The following ALK variants were observed in gnomAD, a reference collection of about 807,000 sequenced individuals.
The protein encoded by ALK is ALK receptor tyrosine kinase.
A neutral mutation model predicts 163.1 loss-of-function variants in ALK; 74 were observed. That is an observed-to-expected ratio of 0.45 (90% CI 0.38 to 0.55). ALK has a LOEUF of 0.55. Ranked by LOEUF, ALK falls within the 20% of genes least tolerant of loss-of-function variation. ALK has a pLI of 0.00. For synonymous variants in ALK, 960 were observed against 843.2 expected (o/e 1.14, Z -2.40); for missense variants, 2,063 against 2,105.3 (o/e 0.98, Z 0.39).
intron 1 of ALK, among the ~76,000 whole-genome samples, chr2:29,830,998 A>G (rs1242444676): frequency 5.9e-5 from 3 of 50,814 alleles, no homozygotes; most frequent in Non-Finnish European, 1.2e-4. Context: ...GAAGAAGAAG[A>G]AGAAGAAGAA....
chr2:29,517,367 A>G (rs1289873299), intron 4 of ALK, among the ~76,000 whole-genome samples: 2 of 152,102 alleles, frequency 1.3e-5, no homozygotes, highest in Admixed American at 1.3e-4. Flanking sequence ...GGGTCATTAT[A>G]TCTCTGAACA....
rs756365905 is a variant in ALK, at chr2:29,241,426, G to A, written c.2205-1596C>T. ...AAAGGAGCTCATGGGTGAAAGCCCC[G>A]GGGAAGCTGCAAATCTCTGGCCAAA... On this transcript the variant is annotated intron_variant, in intron 12 of 28. Transcript: ENST00000389048. Among the ~76,000 whole-genome samples, 7 of 152,086 alleles carry A rather than the reference G, an allele frequency of 4.6e-5. No individual in the cohort carries two copies. The Middle Eastern group carries it at 0.017, about 369-fold the overall frequency.
chr2:29,469,062 A>G lies in ALK; in HGVS notation c.1154+62853T>C, dbSNP rs140080165. Reference sequence around the variant, plus strand: ...CACTAGGCATAAATGGGCTAATGGCACAGGCTGAAGGCTGATATGTCTTGG... The same window carrying G: ...CACTAGGCATAAATGGGCTAATGGCGCAGGCTGAAGGCTGATATGTCTTGG... On this transcript the variant is annotated intron_variant, in intron 4 of 28. Transcript: ENST00000389048. Among the ~76,000 whole-genome samples the G allele has an allele frequency of 2.2e-3, 339 of 152,168 alleles. 3 individuals are homozygous for G. Among genetic ancestry groups the G allele is most frequent in the African/African-American group, 7.7e-3 (321 of 41,512 alleles).
At chr2:29,706,368 G>A (rs751854968) in intron 2 of ALK, among the ~76,000 whole-genome samples, 1 of 152,160 alleles carries the variant, frequency 6.6e-6, no homozygotes, top group African/African-American at 2.4e-5. Flanking sequence ...TCCACCAGCT[G>A]CCATCAACAT....
chr2:29,760,038 T>C (rs1263849088), intron 1 of ALK, among the ~76,000 whole-genome samples: 1 of 152,174 alleles, frequency 6.6e-6, no homozygotes, highest in Non-Finnish European at 1.5e-5. Flanking sequence ...GTAAAGTTAG[T>C]TTTGTTTGTT....
intron 1 of ALK, among the ~76,000 whole-genome samples, chr2:29,839,413 A>C (rs1045156592): frequency 6.6e-6 from 1 of 152,176 alleles, no homozygotes; most frequent in African/African-American, 2.4e-5. Flanking sequence ...GAATTCCAGG[A>C]AACAAATCTC....
chr2:29,397,363 C>T (rs1159884364), intron 4 of ALK, among the ~76,000 whole-genome samples: 7 of 152,178 alleles, frequency 4.6e-5, no homozygotes, highest in Non-Finnish European at 7.3e-5. Context: ...ACTAGAAGCA[C>T]AGTGGCATGG....
intron 3 of ALK, among the ~76,000 whole-genome samples, chr2:29,577,508 TG>T (rs1245540816): frequency 6.6e-6 from 1 of 152,078 alleles, no homozygotes; most frequent in Non-Finnish European, 1.5e-5. Flanking sequence ...TGGGAAGGGA[TG>T]GGACCGGTAA....
chr2:29,531,733 G>C (rs1369629270), intron 4 of ALK, among the ~76,000 whole-genome samples, 182 bp downstream of exon 4: 1 of 152,136 alleles, frequency 6.6e-6, no homozygotes, highest in African/African-American at 2.4e-5. Flanking sequence ...GAAGTCAGAG[G>C]GACCCACAAA....
chr2:29,205,022 C>T (rs1404261854), intron 26 of ALK, among the ~76,000 whole-genome samples: 2 of 152,188 alleles, frequency 1.3e-5, no homozygotes, highest in Admixed American at 6.5e-5. Context: ...TGAGAACACG[C>T]AGCCCACACA....
intron 3 of ALK, among the ~76,000 whole-genome samples, chr2:29,538,247 G>T (rs879596486): frequency 6.6e-6 from 1 of 152,164 alleles, no homozygotes; most frequent in African/African-American, 2.4e-5. Context: ...CAAATCTCAC[G>T]TTGAAATGTG....
chr2:29,193,956 A>G (rs1668959454), intron 28 of ALK, 34 bp from the exon 29 acceptor site: 4 of 1,602,930 alleles, frequency 2.5e-6, no homozygotes, highest in Middle Eastern at 3.3e-4. Flanking sequence ...ACTTTGAATC[A>G]GAGACAAAAA....
chr2:29,920,143 G>C lies in ALK; in HGVS notation c.517C>G (p.Leu173Val), dbSNP rs760343255. 1 of 1,613,894 alleles carries C rather than the reference G, an allele frequency of 6.2e-7. No homozygotes were observed. Among genetic ancestry groups the C allele is most frequent in the Non-Finnish European group, 8.5e-7 (1 of 1,180,042 alleles). The change falls in exon 1 of 29, where the codon CTG (leucine) becomes GTG (valine). Residue 173 changes from leucine (L) to valine (V), a missense_variant. Physicochemically the swap from Leu to Val is conservative, Grantham distance 32. Transcript: ENST00000389048. ...CCTTGGCGAATCCACCAACTGAACAGCTCGCTGAGATTGAACTGGAGCAGC... is the reference window on the plus strand; with the variant it reads ...CCTTGGCGAATCCACCAACTGAACACCTCGCTGAGATTGAACTGGAGCAGC... ...VGLLQFNLSE[L>V]FSWWIRQGEG...
intron 1 of ALK, among the ~76,000 whole-genome samples, chr2:29,736,118 A>T (rs1010993306): frequency 6.6e-6 from 1 of 152,134 alleles, no homozygotes; most frequent in Non-Finnish European, 1.5e-5. Context: ...CTATATATGT[A>T]GTTCATTTCC....
intron 1 of ALK, among the ~76,000 whole-genome samples, chr2:29,907,818 T>C (rs1391834792): frequency 6.6e-6 from 1 of 152,170 alleles, no homozygotes; most frequent in African/African-American, 2.4e-5. Flanking sequence ...CCAGATACCC[T>C]CATCTTTGGA....
intron 1 of ALK, among the ~76,000 whole-genome samples, chr2:29,907,911 A>G (rs1306854735): frequency 6.6e-6 from 1 of 152,166 alleles, no homozygotes; most frequent in African/African-American, 2.4e-5. Flanking sequence ...CTTTATCAGT[A>G]AACCATAAGT....
In ALK at chr2:29,535,352, G is replaced by A. The variant is rs998488148; in HGVS notation, c.953-3236C>T. Among the ~76,000 whole-genome samples, 30 of 152,312 alleles carry A rather than the reference G, an allele frequency of 2.0e-4. 1 individual carries two copies. Among genetic ancestry groups the A allele is most frequent in the Admixed American group, 1.7e-3 (26 of 15,296 alleles). On this transcript the variant is annotated intron_variant, in intron 3 of 28. Transcript: ENST00000389048. ...TTTTTACCTCTGGTCACCAGTGTAG[G>A]AATGTGCTGCTCTCATCTCAACCAG... is the stretch of plus-strand genomic sequence containing the variant.
At chr2:29,679,635 T>C (rs1049905805) in intron 3 of ALK, among the ~76,000 whole-genome samples, 1 of 152,010 alleles carries the variant, frequency 6.6e-6, no homozygotes, top group Admixed American at 6.6e-5. Flanking sequence ...GCTGTTATTG[T>C]CCTATATACA....
intron 1 of ALK, among the ~76,000 whole-genome samples, chr2:29,822,936 G>C (rs1665088404): frequency 6.6e-6 from 1 of 152,204 alleles, no homozygotes. Flanking sequence ...AGATATAATA[G>C]AAAGATACTG....
Sources: allele counts gnomAD v4.1 joint callset (sites outside exome capture counted in the v4.1 genomes callset), GRCh38; gene constraint gnomAD v4.1.1; transcripts MANE v1.5; gene names NCBI Gene and HGNC (gene_info 2026-07-23, HGNC 2026-07-21).